SYT14: variants seen among roughly 807,000 people sequenced by gnomAD.
SYT14 encodes the protein synaptotagmin 14, also known as synaptotagmin-14.
A neutral mutation model predicts 74.2 loss-of-function variants in SYT14; 32 were observed. The observed-to-expected ratio is 0.43, with a 90% CI of 0.33 to 0.58. The LOEUF is 0.58. Among genes scored for constraint, SYT14 ranks in the 20% least tolerant of loss-of-function variants. The pLI, the probability that SYT14 is intolerant of heterozygous loss-of-function variation, is 0.05. For synonymous variants in SYT14, 298 were observed against 337.7 expected (o/e 0.88, Z 1.29); for missense variants, 791 against 981.8 (o/e 0.81, Z 2.60).
intron 2 of SYT14, among the ~76,000 whole-genome samples, chr1:210,000,208 A>G (rs1220816896): frequency 6.6e-6 from 1 of 152,054 alleles, no homozygotes; most frequent in Non-Finnish European, 1.5e-5. Flanking sequence ...TATATTTGTA[A>G]GTATTATATT....
At position 210,120,365 on chromosome 1, in the gene SYT14, GT is replaced by G. The variant is rs371047537; in HGVS notation, c.2034+19918del. On this transcript the variant is annotated intron_variant, in intron 7 of 9. Transcript: ENST00000637265. Reference sequence around the variant, plus strand: ...GTAAATTTTTTTTGGTGTTTTTGCTGTTTTTTTTTTTTTTGTTTGAGATAGG... The same window carrying G: ...GTAAATTTTTTTTGGTGTTTTTGCTGTTTTTTTTTTTTTGTTTGAGATAGG... Among the ~76,000 whole-genome samples, 186 of 131,610 alleles carry G rather than the reference GT, an allele frequency of 1.4e-3. 1 individual carries two copies. Among genetic ancestry groups the G allele is most frequent in the Middle Eastern group, 3.8e-3 (1 of 260 alleles). 86.3% of individuals were successfully genotyped at this position (131,610 alleles called of 152,430 possible).
chr1:210,060,680 T>A (rs1174695242), intron 5 of SYT14, among the ~76,000 whole-genome samples: 1 of 151,946 alleles, frequency 6.6e-6, no homozygotes, highest in Non-Finnish European at 1.5e-5. Context: ...AAGGAAAAAA[T>A]ATATATATTC....
intron 7 of SYT14, among the ~76,000 whole-genome samples, chr1:210,143,500 T>A (rs2082963765): frequency 6.6e-6 from 1 of 152,188 alleles, no homozygotes; most frequent in Non-Finnish European, 1.5e-5. Flanking sequence ...TTGTTTATAT[T>A]TTAATATCTT....
At chr1:210,085,308 A>C (rs1334572) in intron 5 of SYT14, among the ~76,000 whole-genome samples, 1 of 152,080 alleles carries the variant, frequency 6.6e-6, no homozygotes, top group Non-Finnish European at 1.5e-5. Flanking sequence ...TCTACATCAC[A>C]ATCATCATCT....
chr1:209,979,816 G>A (rs1265076737), intron 2 of SYT14, among the ~76,000 whole-genome samples: 3 of 152,080 alleles, frequency 2.0e-5, no homozygotes, highest in Admixed American at 6.5e-5. Flanking sequence ...GGTATTCCGT[G>A]GTGTATATGT....
intron 7 of SYT14, among the ~76,000 whole-genome samples, chr1:210,114,322 C>T (rs977173604): frequency 3.3e-5 from 5 of 151,402 alleles, no homozygotes; most frequent in Non-Finnish European, 5.9e-5. Context: ...ACCACTGTGG[C>T]TTAGGTGTTT....
chr1:210,092,554 TA>T (rs1348149738), intron 5 of SYT14, among the ~76,000 whole-genome samples: 4 of 152,196 alleles, frequency 2.6e-5, no homozygotes, highest in Non-Finnish European at 5.9e-5. Flanking sequence ...ACCTACCACA[TA>T]AATGGATCAA....
chr1:210,105,454 G>A (rs913713986), intron 7 of SYT14, among the ~76,000 whole-genome samples: 2 of 152,188 alleles, frequency 1.3e-5, no homozygotes, highest in African/African-American at 2.4e-5. Flanking sequence ...AGCTTTGAAG[G>A]AAGCCTCTGT....
chr1:210,001,883 A>G (rs1484488284), intron 2 of SYT14, among the ~76,000 whole-genome samples: 3 of 152,188 alleles, frequency 2.0e-5, no homozygotes, highest in Non-Finnish European at 4.4e-5. Context: ...ATGAACTAGT[A>G]GGGAAGTGGT....
At chr1:210,023,173 C>G (rs371101812) in intron 5 of SYT14, among the ~76,000 whole-genome samples, 3 of 152,010 alleles carry the variant, frequency 2.0e-5, no homozygotes, top group South Asian at 4.1e-4. Flanking sequence ...CTTTCGTGAA[C>G]GCTTTTTAGC....
At chr1:210,052,676 A>AAAAAAAAAAAAAAAAAAAAAAAAC (rs2081022905) in intron 5 of SYT14, among the ~76,000 whole-genome samples, 1 of 149,624 alleles carries the variant, frequency 6.7e-6, no homozygotes, top group Non-Finnish European at 1.5e-5. Context: ...AAAAAAAAAA[A>AAAAAAAAAAAAAAAAAAAAAAAAC]AAAAAAAAGC....
chr1:210,156,583 A>G (rs2083271222), intron 8 of SYT14, among the ~76,000 whole-genome samples: 1 of 151,842 alleles, frequency 6.6e-6, no homozygotes. Context: ...TCCCAGTTCA[A>G]CAAGGCCAGG....
At chr1:210,112,296 C>T (rs2082278322) in intron 7 of SYT14, among the ~76,000 whole-genome samples, 1 of 151,074 alleles carries the variant, frequency 6.6e-6, no homozygotes, top group African/African-American at 2.5e-5. Context: ...CTGAACAATC[C>T]CTGAGGAGGA....
At chr1:210,126,262 C>T (rs570180034) in intron 7 of SYT14, among the ~76,000 whole-genome samples, 4 of 151,508 alleles carry the variant, frequency 2.6e-5, no homozygotes, top group East Asian at 3.9e-4. Flanking sequence ...AAAGTGCTTC[C>T]GTGTACTGGG....
exon 4 of SYT14, chr1:210,016,618 C>T (rs1279975158): frequency 1.6e-5 from 20 of 1,231,494 alleles, no homozygotes; most frequent in Admixed American, 8.5e-5. Context: ...AGAATGCCAA[C>T]GGAATAAACA....
intron 5 of SYT14, among the ~76,000 whole-genome samples, chr1:210,065,876 T>G (rs1283855196): frequency 6.3e-5 from 9 of 143,336 alleles, no homozygotes; most frequent in South Asian, 2.4e-4. Context: ...TCCCTCCCCC[T>G]TCCCCCCACC....
intron 6 of SYT14, 88 bp from the exon 6 acceptor site, chr1:210,099,924 A>G (rs1282055243): frequency 3.9e-6 from 5 of 1,287,018 alleles, no homozygotes; most frequent in Non-Finnish European, 5.4e-6. Context: ...TTGTTTTCAC[A>G]TCTTCTAAAG....
At chr1:210,032,966 G>A (rs573666279) in intron 5 of SYT14, among the ~76,000 whole-genome samples, 1 of 151,360 alleles carries the variant, frequency 6.6e-6, no homozygotes, top group East Asian at 1.9e-4. Flanking sequence ...GTTTTAATAC[G>A]GGACAGGATC....
intron 1 of SYT14, among the ~76,000 whole-genome samples, chr1:209,947,026 A>C (rs1398379990): frequency 1.3e-5 from 2 of 152,352 alleles, no homozygotes; most frequent in Admixed American, 1.3e-4. Flanking sequence ...ATCTGTTTAC[A>C]GCATGGTTTA....
Sources: allele counts gnomAD v4.1 joint callset (sites outside exome capture counted in the v4.1 genomes callset), GRCh38; gene constraint gnomAD v4.1.1; transcripts MANE v1.5; gene names NCBI Gene and HGNC (gene_info 2026-07-23, HGNC 2026-07-21).